MAP4K5: variants seen among roughly 807,000 people sequenced by gnomAD.
MAP4K5 encodes the protein mitogen-activated protein kinase kinase kinase kinase 5, also known as MAPK/ERK kinase kinase kinase 5.
Under a neutral mutation model 135.6 loss-of-function variants are expected in MAP4K5, and 82 were observed. The observed-to-expected ratio is 0.60, with a 90% CI of 0.51 to 0.73. The LOEUF is 0.73. Ranked by LOEUF, MAP4K5 falls within the 30% of genes least tolerant of loss-of-function variation. MAP4K5 has a pLI of 0.00. For synonymous variants in MAP4K5, 347 were observed against 335.0 expected (o/e 1.04, Z -0.39); for missense variants, 907 against 1,010.9 (o/e 0.90, Z 1.39).
At chr14:50,523,180 C>A (rs1221783514) in intron 2 of MAP4K5, among the ~76,000 whole-genome samples, 2 of 151,854 alleles carry the variant, frequency 1.3e-5, no homozygotes, top group South Asian at 4.2e-4. Flanking sequence ...GCGTGGTGGC[C>A]CATGCCTGTA....
At chr14:50,518,812 T>C (rs1468081692) in intron 2 of MAP4K5, among the ~76,000 whole-genome samples, 1 of 152,226 alleles carries the variant, frequency 6.6e-6, no homozygotes, top group Non-Finnish European at 1.5e-5. Context: ...TAAATTGAAC[T>C]AATTATCTGG....
intron 2 of MAP4K5, among the ~76,000 whole-genome samples, chr14:50,511,406 G>T (rs1173651640): frequency 6.6e-6 from 1 of 152,078 alleles, no homozygotes; most frequent in African/African-American, 2.4e-5. Context: ...AGGCTGAGAA[G>T]GGTAGGGGGA....
intron 14 of MAP4K5, chr14:50,449,193 T>C (rs985502562): frequency 1.6e-4 from 27 of 172,926 alleles, no homozygotes; most frequent in African/African-American, 5.9e-4. Flanking sequence ...TACAGCTTCA[T>C]GGCAGAGATG....
Position 50,532,079 on chromosome 14 carries a change from C to T in MAP4K5, c.-30G>A. On this transcript the variant is annotated 5_prime_UTR_variant, in exon 2 of 33. Transcript: ENST00000682126. ...ACTTAGGGCCCGGCCCCCGCCAGCT[C>T]ACCCCGCGGCTCCCGGATTCCCGCT... 7.3e-7 allele frequency: 1 copy of T among 1,376,168 alleles called. No individual in the cohort carries two copies. Among genetic ancestry groups the T allele is most frequent in the Non-Finnish European group, 1.0e-6 (1 of 999,286 alleles). 85.2% of individuals were successfully genotyped at this position (1,376,168 alleles called of 1,614,324 possible). A position where few individuals can be genotyped will look rare whatever the true frequency, so the allele number is the denominator to read the frequency against.
At chr14:50,483,646 A>G (rs2037300469) in intron 5 of MAP4K5, among the ~76,000 whole-genome samples, 2 of 151,022 alleles carry the variant, frequency 1.3e-5, no homozygotes, top group African/African-American at 4.9e-5. Flanking sequence ...AACAAATATC[A>G]GGTTTAATAA....
At chr14:50,441,812 T>A (rs902661625) in intron 21 of MAP4K5, among the ~76,000 whole-genome samples, 1 of 151,028 alleles carries the variant, frequency 6.6e-6, no homozygotes, top group Non-Finnish European at 1.5e-5. Flanking sequence ...ATATACCCCC[T>A]CTGTCATACT....
chr14:50,559,428 ATT>A (rs1040227998), intron 1 of MAP4K5: 1 of 151,936 alleles, frequency 6.6e-6, no homozygotes, highest in African/African-American at 2.4e-5. Flanking sequence ...AAGTATTTTT[ATT>A]TTTTTTCTTT....
rs189210053 is a variant in MAP4K5 at position 50,430,010 on chromosome 14, T to A, written c.2165-750A>T. Among the ~76,000 whole-genome samples, 729 of 152,170 alleles carry A rather than the reference T, an allele frequency of 4.8e-3. 5 individuals carry two copies. Among genetic ancestry groups the A allele is most frequent in the Non-Finnish European group, 8.0e-3 (544 of 67,974 alleles). On this transcript the variant is annotated intron_variant, in intron 28 of 32. Transcript: ENST00000682126. ...TTATTTAGAGCAGTCCTTTTTTTTT[T>A]AAATGTATGTGCTTTTATTGAAGAA...
At chr14:50,543,425 C>T (rs1278318944) in intron 1 of MAP4K5, among the ~76,000 whole-genome samples, 2 of 152,204 alleles carry the variant, frequency 1.3e-5, no homozygotes, top group East Asian at 3.8e-4. Context: ...ACCTTCCCTG[C>T]TTGGAAAGCT....
chr14:50,504,845 G>T lies in MAP4K5; in HGVS notation c.121C>A (p.His41Asn). The change falls in exon 3 of 33, where the codon CAC becomes AAC. Residue 41 changes from histidine to asparagine, a missense_variant. Physicochemically the swap from His to Asn is moderately conservative, Grantham distance 68 (BLOSUM62 1). This residue lies in a region of MAP4K5 where 196 missense variants were observed against 189.3 expected (regional missense o/e 1.04). Transcript: ENST00000682126. ...YGDVYKARNVHTGELAAVKII... is the reference protein window; with the variant it reads ...YGDVYKARNVNTGELAAVKII... ...TTTACTGCAGCCAGCTCTCCTGTGTGTACATTTCTGGCCTAAAAATAAAAT... is the reference window on the plus strand; with the variant it reads ...TTTACTGCAGCCAGCTCTCCTGTGTTTACATTTCTGGCCTAAAAATAAAAT... The T allele has an allele frequency of 6.5e-7, 1 of 1,549,228 alleles. No homozygotes were observed.
chr14:50,485,243 G>T (rs944200056), intron 5 of MAP4K5, among the ~76,000 whole-genome samples: 9 of 152,052 alleles, frequency 5.9e-5, no homozygotes, highest in Admixed American at 5.9e-4. Flanking sequence ...AGACAGACAC[G>T]TAACTTCCCT....
chr14:50,464,806 C>T (rs536196888), intron 11 of MAP4K5, among the ~76,000 whole-genome samples: 1 of 152,218 alleles, frequency 6.6e-6, no homozygotes. Flanking sequence ...CAGTTCTCTG[C>T]AGAGAAATCA....
intron 2 of MAP4K5, among the ~76,000 whole-genome samples, chr14:50,521,857 C>A (rs574089721): frequency 2.2e-4 from 33 of 152,268 alleles, no homozygotes; most frequent in Admixed American, 6.5e-4. Context: ...TAGTACTTCA[C>A]GTCACTGGAA....
rs1470361741 is a variant in MAP4K5, at chr14:50,440,058, A to C, written c.1660T>G (p.Cys554Gly). 2.6e-6 allele frequency: 4 copies of C among 1,525,236 alleles called. No individual in the cohort carries two copies. Among genetic ancestry groups the C allele is most frequent in the Non-Finnish European group, 3.6e-6 (4 of 1,117,190 alleles). The allele number at this position is 1,525,236 out of a possible 1,614,324, so 94.5% of individuals were successfully genotyped here. ...ATMEQLFPRK[C>G]TWLYVINNTL... ...TTATTGATAACATACAGCCAAGTAC[A>C]CTTCCGTGGAAATAACTAAGAAAAA... The change falls in exon 23 of 33, where the codon TGT (cysteine) becomes GGT (glycine). Residue 554 changes from cysteine to glycine, a missense_variant. Physicochemically the swap from Cys to Gly is radical, Grantham distance 159. Coordinates refer to ENST00000682126, the MANE Select transcript of MAP4K5 (RefSeq NM_006575.6).
intron 3 of MAP4K5, among the ~76,000 whole-genome samples, chr14:50,497,063 T>C (rs1055678768): frequency 2.2e-4 from 33 of 152,222 alleles, no homozygotes; most frequent in African/African-American, 7.2e-4. Flanking sequence ...CGGTAGTTCA[T>C]TATACAGTGA....
chr14:50,538,058 C>T, intron 2 of MAP4K5, among the ~76,000 whole-genome samples: 1 of 152,150 alleles, frequency 6.6e-6, no homozygotes, highest in Admixed American at 6.5e-5. Flanking sequence ...TGTGTGCCCA[C>T]CCACATCTCA....
At chr14:50,434,264 T>C (rs2036038975) in intron 28 of MAP4K5, 130 bp downstream of exon 28, 2 of 657,408 alleles carry the variant, frequency 3.0e-6, no homozygotes, top group Non-Finnish European at 5.1e-6. Context: ...TTCTATGGGC[T>C]TACTTGGGAA....
intron 1 of MAP4K5, chr14:50,560,595 C>G (rs1189287848): frequency 2.2e-6 from 1 of 452,050 alleles, no homozygotes; most frequent in Non-Finnish European, 4.1e-6. Flanking sequence ...ACCCACCAGG[C>G]GCCTCCGGGG....
chr14:50,481,317 T>C (rs1030574139), intron 6 of MAP4K5, among the ~76,000 whole-genome samples: 3 of 150,396 alleles, frequency 2.0e-5, no homozygotes, highest in Admixed American at 1.3e-4. Context: ...AATATATATA[T>C]GTTAGATAAA....
Sources: gnomAD v4.1 joint callset for allele counts (sites outside exome capture counted in the v4.1 genomes callset) on GRCh38, gnomAD v4.1.1 for gene constraint, gnomAD v4.1.1 regional missense constraint, MANE v1.5 for transcripts, NCBI Gene and HGNC (gene_info 2026-07-23, HGNC 2026-07-21) for gene names.